The following LIMCH1 variants were observed in gnomAD, a reference collection of about 807,000 sequenced individuals.
LIMCH1 encodes LIM and calponin homology domains-containing protein 1.
A neutral mutation model predicts 176.5 loss-of-function variants in LIMCH1; 113 were observed. That is an observed-to-expected ratio of 0.64 (90% CI 0.55 to 0.75). The LOEUF is 0.75. LIMCH1 is among the 30% of genes least tolerant of loss of function. LIMCH1 has a pLI of 0.00. For missense variants in LIMCH1, 1,674 were observed against 1,814.9 expected, an observed-to-expected ratio of 0.92 and a Z score of 1.41; for synonymous variants, 619 against 645.9, an observed-to-expected ratio of 0.96 and a Z score of 0.63.
chr4:41,392,544 A>G (rs963223549), intron 1 of LIMCH1, among the ~76,000 whole-genome samples: 2 of 152,198 alleles, frequency 1.3e-5, no homozygotes, highest in Non-Finnish European at 2.9e-5. Context: ...AACCACAGAT[A>G]GAGTAGCTAG....
intron 1 of LIMCH1, among the ~76,000 whole-genome samples, chr4:41,424,670 G>A (rs959747828): frequency 1.3e-5 from 2 of 152,140 alleles, no homozygotes; most frequent in East Asian, 3.9e-4. Context: ...GTCAGGTTTT[G>A]TCACTAATTG....
chr4:41,426,412 A>G lies in LIMCH1; in HGVS notation c.96+65476A>G, dbSNP rs192625987. Among the ~76,000 whole-genome samples the G allele has an allele frequency of 9.8e-5, 15 of 152,350 alleles. No homozygotes were observed. In the East Asian group the frequency reaches 2.7e-3, roughly 27 times the overall value. On this transcript the variant is annotated intron_variant, in intron 1 of 26. Coordinates refer to the LIMCH1 transcript ENST00000313860. ...GTTTTTCTACATCTTTCTTTATGATAGTAATAGATGTTTGTAACAGTATAG... is the reference window on the plus strand; with the variant it reads ...GTTTTTCTACATCTTTCTTTATGATGGTAATAGATGTTTGTAACAGTATAG...
intron 1 of LIMCH1, among the ~76,000 whole-genome samples, chr4:41,401,019 G>A (rs35609237): frequency 6.6e-6 from 1 of 152,182 alleles, no homozygotes; most frequent in South Asian, 2.1e-4. Flanking sequence ...TTGCTGTGCA[G>A]AAGCTCTTTA....
chr4:41,431,589 T>C (rs7654238), intron 1 of LIMCH1, among the ~76,000 whole-genome samples: 4,903 of 152,308 alleles, frequency 0.032, 202 homozygotes, highest in South Asian at 0.11. Flanking sequence ...TCTAGCTGAA[T>C]TAGTTTTCCA....
chr4:41,507,307 G>A (rs1329550085), intron 2 of LIMCH1, among the ~76,000 whole-genome samples: 1 of 152,134 alleles, frequency 6.6e-6, no homozygotes, highest in Non-Finnish European at 1.5e-5. Flanking sequence ...AGGCATGATT[G>A]GTTGTTAATT....
At chr4:41,627,479 A>AG (rs1212218354) in intron 8 of LIMCH1, among the ~76,000 whole-genome samples, 7 of 152,218 alleles carry the variant, frequency 4.6e-5, no homozygotes, top group African/African-American at 1.7e-4. Context: ...TTGGAAGAAA[A>AG]AAAAATGAGA....
intron 1 of LIMCH1, among the ~76,000 whole-genome samples, chr4:41,580,297 A>G (rs547371019): frequency 4.8e-4 from 73 of 152,350 alleles, no homozygotes; most frequent in African/African-American, 1.6e-3. Flanking sequence ...CCTTCAAAAG[A>G]TCAAAGAAAA....
intron 2 of LIMCH1, among the ~76,000 whole-genome samples, chr4:41,507,173 G>T (rs1398010515): frequency 6.6e-6 from 1 of 152,210 alleles, no homozygotes; most frequent in Non-Finnish European, 1.5e-5. Context: ...AGGGAATAGG[G>T]TTTTCATCCC....
chr4:41,535,986 A>G (rs2077895205), upstream of LIMCH1, among the ~76,000 whole-genome samples: 2 of 152,182 alleles, frequency 1.3e-5, no homozygotes, highest in Admixed American at 6.5e-5. Flanking sequence ...CGTTTAGCAG[A>G]ATTTGTGACA....
At chr4:41,543,542 A>T (rs1421175874) in intron 1 of LIMCH1, among the ~76,000 whole-genome samples, 1 of 152,206 alleles carries the variant, frequency 6.6e-6, no homozygotes, top group Non-Finnish European at 1.5e-5. Flanking sequence ...CTTTGAGCAC[A>T]AGAATGAAAG....
intron 1 of LIMCH1, among the ~76,000 whole-genome samples, chr4:41,441,166 A>G (rs948931315): frequency 2.2e-4 from 33 of 152,214 alleles, no homozygotes; most frequent in African/African-American, 7.2e-4. Flanking sequence ...TGTCTTGAGT[A>G]GAAATGAATT....
At chr4:41,646,376 C>A in intron 16 of LIMCH1, 96 bp downstream of exon 16, 1 of 1,496,848 alleles carries the variant, frequency 6.7e-7, no homozygotes, top group Non-Finnish European at 9.0e-7. Flanking sequence ...CTGATAGTAA[C>A]ATTTTATATT....
chr4:41,483,832 G>C (rs986454711), intron 1 of LIMCH1, among the ~76,000 whole-genome samples: 16 of 152,224 alleles, frequency 1.1e-4, no homozygotes, highest in African/African-American at 3.9e-4. Flanking sequence ...TCTTAGGAGA[G>C]AGAGTTTATT....
intron 1 of LIMCH1, among the ~76,000 whole-genome samples, chr4:41,430,241 A>G (rs993646601): frequency 6.6e-6 from 1 of 152,008 alleles, no homozygotes; most frequent in African/African-American, 2.4e-5. Flanking sequence ...TGTTTTTAAA[A>G]CCATTTCTGT....
chr4:41,532,950 G>A (rs2077486160), intron 3 of LIMCH1, among the ~76,000 whole-genome samples: 1 of 152,176 alleles, frequency 6.6e-6, no homozygotes. Context: ...TCCCTCACAA[G>A]GCTGCATTCA....
At chr4:41,643,288 C>G (rs988655791) in intron 14 of LIMCH1, among the ~76,000 whole-genome samples, 1 of 151,980 alleles carries the variant, frequency 6.6e-6, no homozygotes, top group Non-Finnish European at 1.5e-5. Flanking sequence ...TTGATGATGT[C>G]TGGAATTCTT....
intron 1 of LIMCH1, among the ~76,000 whole-genome samples, chr4:41,565,354 C>CACAT (rs2082586557): frequency 6.9e-6 from 1 of 145,428 alleles, no homozygotes. Context: ...GATACACACA[C>CACAT]ACACACACAC....
In LIMCH1 at chr4:41,568,378, G is replaced by A. The variant is rs553273887; in HGVS notation, c.-241+30028G>A. Among the ~76,000 whole-genome samples, 5 of 152,348 alleles carry A rather than the reference G, an allele frequency of 3.3e-5. No homozygotes were observed. In the South Asian group the frequency reaches 1.0e-3, roughly 32 times the overall value. On this transcript the variant is annotated intron_variant, in intron 1 of 31. Transcript: ENST00000503057. ...CAGCTTCAGGAGAGCCAACGTGACA[G>A]CTGACCTGATGCACCGGAGTTACAA... is the stretch of plus-strand genomic sequence containing the variant.
intron 1 of LIMCH1, among the ~76,000 whole-genome samples, chr4:41,368,360 A>G (rs1235090319): frequency 6.6e-6 from 1 of 152,218 alleles, no homozygotes; most frequent in African/African-American, 2.4e-5. Flanking sequence ...TTAGGTAATG[A>G]ACAAAATAAA....
Sources: gnomAD v4.1 joint callset for allele counts (sites outside exome capture counted in the v4.1 genomes callset) on GRCh38, gnomAD v4.1.1 for gene constraint, MANE v1.5 for transcripts, NCBI Gene and HGNC (gene_info 2026-07-23, HGNC 2026-07-21) for gene names.